The following MOB1A variants were observed in gnomAD, a reference collection of about 807,000 sequenced individuals.
MOB1A encodes MOB1 Mps One Binder homolog A.
A neutral mutation model predicts 25.1 loss-of-function variants in MOB1A; 10 were observed. The observed-to-expected ratio is 0.40, with a 90% CI of 0.25 to 0.68. The LOEUF is 0.68. MOB1A is among the 30% of genes least tolerant of loss of function. The pLI, the probability that MOB1A is intolerant of heterozygous loss-of-function variation, is 0.40. For missense variants in MOB1A, 177 were observed against 256.3 expected (o/e 0.69, Z 2.11); for synonymous variants, 81 against 79.5 (o/e 1.02, Z -0.10).
chr2:74,162,285 A>G (rs1306558925), intron 4 of MOB1A, among the ~76,000 whole-genome samples: 1 of 152,170 alleles, frequency 6.6e-6, no homozygotes, highest in African/African-American at 2.4e-5. Context: ...GTTCGAGACC[A>G]GCCTGGCCAA....
chr2:74,165,347 C>A lies in MOB1A; in HGVS notation c.280G>T (p.Glu94Ter). The stretch of plus-strand genomic sequence containing the variant: ...TTAGTACCATCTGCCCAGTGATATT[C>A]ATATCTGAAGAGAAAAATGTTTTAC... The part of the protein sequence containing the change: ...CPVMSAGPRY[E>*]YHWADGTNIK... The change falls in exon 4 of 6, where the codon GAA (glutamate) becomes TAA (stop). Residue 94 changes from glutamate (E) to a stop codon, truncating the protein, a stop_gained. Coordinates refer to ENST00000396049, the MANE Select transcript of MOB1A (RefSeq NM_018221.5). LOFTEE classifies it high-confidence loss of function. 1 of 1,516,122 alleles carries A rather than the reference C, an allele frequency of 6.6e-7. No individual in the cohort carries two copies. The allele number at this position is 1,516,122 out of a possible 1,614,324, so 93.9% of individuals were successfully genotyped here.
Position 74,159,150 on chromosome 2 carries a change from G to C in MOB1A, c.514C>G (p.Gln172Glu). 1.9e-6 allele frequency: 3 copies of C among 1,613,960 alleles called. No individual in the cohort carries two copies. Among genetic ancestry groups the C allele is most frequent in the East Asian group, 2.2e-5 (1 of 44,888 alleles). The change falls in exon 5 of 6, where the codon CAG becomes GAG. Residue 172 changes from glutamine (Q) to glutamate (E), a missense_variant. Physicochemically the swap from Gln to Glu is conservative, Grantham distance 29 (BLOSUM62 2). Coordinates refer to ENST00000396049, the MANE Select transcript of MOB1A (RefSeq NM_018221.5). ...TTGAGGTGGGCCTCCTCTTGCAGCT[G>C]CATCACAGAATCAAAGTGCTGGTGA... ...IYHQHFDSVMQLQEEAHLNTS... is the reference protein window; with the variant it reads ...IYHQHFDSVMELQEEAHLNTS...
intron 4 of MOB1A, chr2:74,164,227 A>C (rs2103709478): frequency 6.6e-6 from 1 of 152,350 alleles, no homozygotes; most frequent in East Asian, 1.9e-4. Context: ...TCAGGGAAAA[A>C]AAACTTCCCA....
At chr2:74,157,076 G>T (rs1348824648) in intron 5 of MOB1A, among the ~76,000 whole-genome samples, 3 of 150,424 alleles carry the variant, frequency 2.0e-5, no homozygotes, top group Non-Finnish European at 3.0e-5. Context: ...TGAGATGACT[G>T]GTGGCTGGAG....
intron 1 of MOB1A, among the ~76,000 whole-genome samples, chr2:74,177,708 TA>T (rs1693514039): frequency 1.3e-5 from 2 of 152,118 alleles, no homozygotes; most frequent in South Asian, 4.1e-4. Flanking sequence ...TTGTATTTAA[TA>T]AAAATGTCAA....
At position 74,154,432 on chromosome 2, in the gene MOB1A, T is replaced by G. The variant is rs1056626172; in HGVS notation, c.*2136A>C. 1.3e-5 allele frequency: 2 copies of G among 152,130 alleles called. No individual in the cohort carries two copies. Among genetic ancestry groups the G allele is most frequent in the African/African-American group, 4.8e-5 (2 of 41,424 alleles). 9.4% of individuals were successfully genotyped at this position (152,130 alleles called of 1,614,324 possible). A position where few individuals can be genotyped will look rare whatever the true frequency, so the allele number is the denominator to read the frequency against. ...TATTTTAAAAAAGGACAGTCTTGAGTCTCAAAATACCAACACATCTCTGAT... is the reference window on the plus strand; with the variant it reads ...TATTTTAAAAAAGGACAGTCTTGAGGCTCAAAATACCAACACATCTCTGAT... On this transcript the variant is annotated 3_prime_UTR_variant, in exon 6 of 6. Coordinates refer to ENST00000396049, the MANE Select transcript of MOB1A (RefSeq NM_018221.5).
chr2:74,156,418 C>A lies in MOB1A; in HGVS notation c.*150G>T. The A allele has an allele frequency of 1.4e-6, 1 of 693,140 alleles. No homozygotes were observed. The highest frequency in any genetic ancestry group is 2.5e-6 in the Non-Finnish European group (1 of 399,246). 42.9% of individuals were successfully genotyped at this position (693,140 alleles called of 1,614,324 possible). On this transcript the variant is annotated 3_prime_UTR_variant, in exon 6 of 6. Transcript: ENST00000396049. ...CTCGGAAACTATCACACCAACCTAC[C>A]TTTGGGATAATTTTATCAGTAGACA...
At chr2:74,159,819 C>T (rs10182805) in intron 4 of MOB1A, among the ~76,000 whole-genome samples, 5,086 of 51,648 alleles carry the variant, frequency 0.098, 390 homozygotes, top group African/African-American at 0.29. Context: ...TGTTTTTTGT[C>T]CCCCCCCCCA....
At chr2:74,176,275 C>CA (rs1201428854) in intron 1 of MOB1A, among the ~76,000 whole-genome samples, 1,113 of 28,882 alleles carry the variant, frequency 0.039, 86 homozygotes, top group African/African-American at 0.081. Context: ...GACCCTGTCT[C>CA]AAAAAAAAAA....
intron 1 of MOB1A, among the ~76,000 whole-genome samples, chr2:74,176,519 C>T (rs1693473144): frequency 6.6e-6 from 1 of 151,816 alleles, no homozygotes; most frequent in East Asian, 1.9e-4. Context: ...AATCCCTGCA[C>T]TTTGGGAGGC....
At chr2:74,171,856 T>C (rs1483726365) in intron 2 of MOB1A, among the ~76,000 whole-genome samples, 1 of 152,088 alleles carries the variant, frequency 6.6e-6, no homozygotes, top group African/African-American at 2.4e-5. Context: ...TGAAGCAAGA[T>C]TGAGCCATTG....
rs1692699819 is a variant in MOB1A, at chr2:74,152,936, ACTG to A, written c.*3629_*3631del. 1 of 152,262 alleles carries A rather than the reference ACTG, an allele frequency of 6.6e-6. No homozygotes were observed. The highest frequency in any genetic ancestry group is 2.1e-4 in the South Asian group (1 of 4,834). The allele number at this position is 152,262 out of a possible 1,614,324, so 9.4% of individuals were successfully genotyped here. On this transcript the variant is annotated 3_prime_UTR_variant, in exon 6 of 6. Coordinates refer to ENST00000396049, the MANE Select transcript of MOB1A (RefSeq NM_018221.5). ...TCAGTGCAGTTGCTTCAAAAAAATT[ACTG>A]CTACCACATGTACTATCATCCCCCA...
At chr2:74,165,763 G>C (rs1286315598) in intron 3 of MOB1A, among the ~76,000 whole-genome samples, 2 of 152,108 alleles carry the variant, frequency 1.3e-5, no homozygotes, top group Non-Finnish European at 2.9e-5. Context: ...TTGGGGGCCA[G>C]GTGTTAGAGA....
rs969054213 is a variant in MOB1A at position 74,154,603 on chromosome 2, T to C, written c.*1965A>G. The C allele has an allele frequency of 2.6e-5, 4 of 151,638 alleles. No homozygotes were observed. The highest frequency in any genetic ancestry group is 9.7e-5 in the African/African-American group (4 of 41,380). 9.4% of individuals were successfully genotyped at this position (151,638 alleles called of 1,614,324 possible). On this transcript the variant is annotated 3_prime_UTR_variant, in exon 6 of 6. Coordinates refer to ENST00000396049, the MANE Select transcript of MOB1A (RefSeq NM_018221.5). The stretch of plus-strand genomic sequence containing the variant: ...GTGGTAACTCTTTTGTTTGAGAATA[T>C]TTGAAATACTAGAAATAATGAGGAA...
chr2:74,160,237 GT>G (rs1692929811), intron 4 of MOB1A, among the ~76,000 whole-genome samples: 1 of 152,100 alleles, frequency 6.6e-6, no homozygotes, highest in Non-Finnish European at 1.5e-5. Flanking sequence ...AATCCAGCAC[GT>G]TGAGAGGCCG....
At chr2:74,177,669 TAAAAA>T (rs139471838) in intron 1 of MOB1A, among the ~76,000 whole-genome samples, 1 of 147,928 alleles carries the variant, frequency 6.8e-6, no homozygotes, top group African/African-American at 2.5e-5. Flanking sequence ...TTATAAAAAA[TAAAAA>T]AAAAACTATA....
intron 2 of MOB1A, among the ~76,000 whole-genome samples, chr2:74,171,954 A>G (rs115488442): frequency 0.014 from 2,182 of 152,298 alleles, 56 homozygotes; most frequent in African/African-American, 0.049. Flanking sequence ...TTTTATTTAA[A>G]CTTTTTATTC....
At chr2:74,166,415 A>G (rs908106755) in intron 3 of MOB1A, among the ~76,000 whole-genome samples, 10 of 152,276 alleles carry the variant, frequency 6.6e-5, no homozygotes, top group Admixed American at 4.6e-4. Context: ...AAAAAATAAA[A>G]TGTTTGCAAT....
intron 5 of MOB1A, among the ~76,000 whole-genome samples, 179 bp from the exon 6 acceptor site, chr2:74,156,824 C>T (rs1351087969): frequency 1.3e-5 from 2 of 150,708 alleles, no homozygotes; most frequent in East Asian, 3.9e-4. Flanking sequence ...CTTTTTTGTA[C>T]AGATGTGGTC....
Sources: allele counts gnomAD v4.1 joint callset (sites outside exome capture counted in the v4.1 genomes callset), GRCh38; gene constraint gnomAD v4.1.1; transcripts MANE v1.5; gene names NCBI Gene and HGNC (gene_info 2026-07-23, HGNC 2026-07-21).